The following SAMMSON variants were observed in gnomAD, a reference collection of about 807,000 sequenced individuals.
SAMMSON encodes long intergenic non-protein coding RNA 1212.
At chr3:70,431,467 A>G (rs1191401999) in intron 2 of SAMMSON, among the ~76,000 whole-genome samples, 1 of 151,996 alleles carries the variant, frequency 6.6e-6, no homozygotes, top group African/African-American at 2.4e-5. Context: ...AGGAATCTCT[A>G]AAAGTAATAG....
At chr3:70,028,112 C>CCCTCCCTT (rs1553711334) in intron 3 of SAMMSON, among the ~76,000 whole-genome samples, 1 of 138,094 alleles carries the variant, frequency 7.2e-6, no homozygotes, top group African/African-American at 2.7e-5. Flanking sequence ...TTCCTTCCTT[C>CCCTCCCTT]CCTTCCTTCC....
intron 7 of SAMMSON, among the ~76,000 whole-genome samples, chr3:70,345,551 C>T (rs1456518495): frequency 2.0e-5 from 3 of 152,128 alleles, no homozygotes; most frequent in Non-Finnish European, 4.4e-5. Flanking sequence ...ATTTCTATGG[C>T]TTTTAACTAA....
At chr3:70,004,403 C>A (rs774384426) in intron 1 of SAMMSON, among the ~76,000 whole-genome samples, 3 of 152,034 alleles carry the variant, frequency 2.0e-5, no homozygotes, top group Non-Finnish European at 4.4e-5. Context: ...AAAAAGATAT[C>A]AGAAAAATTA....
chr3:70,230,659 A>G (rs1701550187), intron 4 of SAMMSON, among the ~76,000 whole-genome samples: 2 of 152,190 alleles, frequency 1.3e-5, no homozygotes, highest in Admixed American at 6.5e-5. Context: ...CAATGACAGC[A>G]AACGGTAATT....
At chr3:70,108,362 T>G (rs2067375163) in intron 4 of SAMMSON, among the ~76,000 whole-genome samples, 1 of 144,814 alleles carries the variant, frequency 6.9e-6, no homozygotes, top group Admixed American at 7.2e-5. Context: ...ACAAATAAGG[T>G]CAGCCGTCAG....
intron 4 of SAMMSON, among the ~76,000 whole-genome samples, chr3:70,117,330 T>C (rs1054087145): frequency 6.6e-6 from 1 of 152,178 alleles, no homozygotes; most frequent in South Asian, 2.1e-4. Context: ...CCATAGTTGG[T>C]TGGTAGCTGA....
chr3:70,028,143 TTTCCTTCC>T (rs540467067), intron 3 of SAMMSON, among the ~76,000 whole-genome samples: 43,794 of 130,098 alleles, frequency 0.34, 8,690 homozygotes, highest in Non-Finnish European at 0.41. Context: ...TCCTTCCTTC[TTTCCTTCC>T]TTCCTTCCTT....
At chr3:70,414,653 C>G (rs190529900) in intron 2 of SAMMSON, among the ~76,000 whole-genome samples, 27 of 152,176 alleles carry the variant, frequency 1.8e-4, no homozygotes, top group Admixed American at 1.6e-3. Context: ...ACCATATGAA[C>G]ATTAGGTATT....
intron 2 of SAMMSON, among the ~76,000 whole-genome samples, chr3:70,406,443 T>C (rs1398203259): frequency 6.6e-6 from 1 of 152,124 alleles, no homozygotes; most frequent in Admixed American, 6.6e-5. Flanking sequence ...CATGGTAATA[T>C]ATGGAAAAAT....
intron 4 of SAMMSON, among the ~76,000 whole-genome samples, chr3:70,217,249 C>T (rs537835218): frequency 1.3e-5 from 2 of 152,178 alleles, no homozygotes; most frequent in South Asian, 2.1e-4. Flanking sequence ...GAATCATAAG[C>T]TAACAGTTCC....
intron 3 of SAMMSON, among the ~76,000 whole-genome samples, chr3:70,046,350 A>G (rs941215198): frequency 6.6e-6 from 1 of 152,136 alleles, no homozygotes; most frequent in Admixed American, 6.6e-5. Context: ...GATTGGCTAT[A>G]AGAAACAACC....
chr3:70,263,602 T>C (rs1159602236), intron 6 of SAMMSON, among the ~76,000 whole-genome samples: 2 of 152,186 alleles, frequency 1.3e-5, no homozygotes, highest in Non-Finnish European at 2.9e-5. Flanking sequence ...CCTAGCCTCA[T>C]AGGGTTTCAC....
intron 6 of SAMMSON, among the ~76,000 whole-genome samples, chr3:70,251,058 G>T (rs9814331): frequency 1.3e-5 from 2 of 152,216 alleles, no homozygotes; most frequent in Non-Finnish European, 2.9e-5. Context: ...TGCTGTACAC[G>T]GTTGAATCGT....
At chr3:70,123,490 G>A (rs1373434303) in intron 4 of SAMMSON, among the ~76,000 whole-genome samples, 1 of 152,174 alleles carries the variant, frequency 6.6e-6, no homozygotes, top group East Asian at 1.9e-4. Flanking sequence ...GGCTGGTCTC[G>A]AACTCCTGAG....
At chr3:70,351,569 T>C (rs1323329169) in intron 7 of SAMMSON, among the ~76,000 whole-genome samples, 1 of 152,088 alleles carries the variant, frequency 6.6e-6, no homozygotes. Context: ...ACAGACAGGC[T>C]AGAAATTATG....
intron 4 of SAMMSON, among the ~76,000 whole-genome samples, chr3:70,195,529 A>T (rs1190240112): frequency 6.6e-6 from 1 of 152,236 alleles, no homozygotes; most frequent in Non-Finnish European, 1.5e-5. Flanking sequence ...TGCTACAGAA[A>T]TAAAGCAAAT....
intron 8 of SAMMSON, among the ~76,000 whole-genome samples, chr3:70,358,010 G>C (rs1408211827): frequency 2.6e-5 from 4 of 152,098 alleles, no homozygotes; most frequent in Admixed American, 6.6e-5. Context: ...AAGGTCTGGT[G>C]TATCTGTGGT....
chr3:70,248,352 A>T (rs1357342918), intron 4 of SAMMSON, among the ~76,000 whole-genome samples: 2 of 152,062 alleles, frequency 1.3e-5, no homozygotes, highest in African/African-American at 4.8e-5. Flanking sequence ...TGGAGAAAAA[A>T]TTTTGAAAAG....
At chr3:70,338,220 A>G (rs1702681590) in intron 7 of SAMMSON, among the ~76,000 whole-genome samples, 1 of 151,802 alleles carries the variant, frequency 6.6e-6, no homozygotes, top group Non-Finnish European at 1.5e-5. Context: ...CTGATGCCCT[A>G]TTTTCTCATA....
Sources: allele counts gnomAD v4.1 joint callset (sites outside exome capture counted in the v4.1 genomes callset), GRCh38; gene constraint gnomAD v4.1.1; transcripts MANE v1.5; gene names NCBI Gene and HGNC (gene_info 2026-07-23, HGNC 2026-07-21).